Variants in RSF1 observed in about 807,000 individuals in gnomAD.
The protein encoded by RSF1 is HBV pX-associated protein 8.
Under a neutral mutation model 145.2 loss-of-function variants are expected in RSF1, and 13 were observed. The ratio of observed to expected loss-of-function variants is 0.09; its 90% CI spans 0.06 to 0.14. The LOEUF is 0.14. Ranked by LOEUF, RSF1 falls within the 10% of genes least tolerant of loss-of-function variation. The pLI, the probability that RSF1 is intolerant of heterozygous loss-of-function variation, is 1.00. For missense variants in RSF1, 1,517 were observed against 1,718.2 expected (o/e 0.88, Z 2.07); for synonymous variants, 577 against 592.6 (o/e 0.97, Z 0.38).
At chr11:77,823,862 A>G (rs996707673), upstream of RSF1, among the ~76,000 whole-genome samples, 1 of 152,022 alleles carries the variant, frequency 6.6e-6, no homozygotes, top group African/African-American at 2.4e-5. Flanking sequence ...CTTTGCTTCT[A>G]GCTTTTGCAG....
At chr11:77,748,868 T>C (rs1347158626) in intron 2 of RSF1, among the ~76,000 whole-genome samples, 1 of 152,210 alleles carries the variant, frequency 6.6e-6, no homozygotes, top group Non-Finnish European at 1.5e-5. Flanking sequence ...TATACAAATG[T>C]TCCTCGCAGT....
intron 1 of RSF1, among the ~76,000 whole-genome samples, chr11:77,802,958 T>A (rs991962840): frequency 6.6e-6 from 1 of 152,046 alleles, no homozygotes; most frequent in African/African-American, 2.4e-5. Context: ...TGAGGCCTCA[T>A]CTCTAAAAAA....
chr11:77,790,611 G>C (rs538241004), intron 1 of RSF1, among the ~76,000 whole-genome samples: 22 of 152,322 alleles, frequency 1.4e-4, no homozygotes, highest in African/African-American at 5.1e-4. Context: ...CTATGAGTCT[G>C]TAAAATCAAA....
At chr11:77,686,755 GT>G (rs1196698965) in intron 9 of RSF1, among the ~76,000 whole-genome samples, 3 of 152,158 alleles carry the variant, frequency 2.0e-5, no homozygotes, top group Non-Finnish European at 2.9e-5. Context: ...TCTGTAGACA[GT>G]TGCTGGCTAG....
chr11:77,691,057 CA>C (rs1960138862), intron 9 of RSF1, 101 bp downstream of exon 9: 1 of 1,148,956 alleles, frequency 8.7e-7, no homozygotes, highest in Admixed American at 1.9e-5. Flanking sequence ...CCACAGGCCA[CA>C]GTATGCCAAT....
Position 77,661,591 on chromosome 11 carries a change from C to A in RSF1, c.*5326G>T, listed in dbSNP as rs1959234353. 2 of 151,920 alleles carry A rather than the reference C, an allele frequency of 1.3e-5. No individual in the cohort carries two copies. Among genetic ancestry groups the A allele is most frequent in the South Asian group, 4.2e-4 (2 of 4,812 alleles). 9.4% of individuals were successfully genotyped at this position (151,920 alleles called of 1,614,324 possible). ...GCAGGAGAATGAAAAAGACATGGCA[C>A]AAATTTTTAAACAATTTTAGGTTTA... On this transcript the variant is annotated 3_prime_UTR_variant, in exon 16 of 16. Coordinates refer to ENST00000308488, the MANE Select transcript of RSF1 (RefSeq NM_016578.4).
rs1411620388 is a variant in RSF1 at position 77,663,599 on chromosome 11, G to GA, written c.*3317dup. The GA allele has an allele frequency of 6.6e-6, 1 of 151,986 alleles. No individual in the cohort carries two copies. The highest frequency in any genetic ancestry group is 1.5e-5 in the Non-Finnish European group (1 of 67,984). 9.4% of individuals were successfully genotyped at this position (151,986 alleles called of 1,614,324 possible). A position where few individuals can be genotyped will look rare whatever the true frequency, so the allele number is the denominator to read the frequency against. On this transcript the variant is annotated 3_prime_UTR_variant, in exon 16 of 16. Coordinates refer to ENST00000308488, the MANE Select transcript of RSF1 (RefSeq NM_016578.4). The stretch of plus-strand genomic sequence containing the variant: ...TCTGAATCTGTAACCTTGACCAATT[G>GA]AAAAAAGGATGTCAAGGAAATATAA...
chr11:77,800,952 C>T (rs1948619868), intron 1 of RSF1, among the ~76,000 whole-genome samples: 1 of 152,092 alleles, frequency 6.6e-6, no homozygotes, highest in Non-Finnish European at 1.5e-5. Flanking sequence ...TGGCAGTGAG[C>T]CATAATCGCA....
chr11:77,769,667 T>C (rs1948262278), intron 1 of RSF1, among the ~76,000 whole-genome samples: 1 of 152,240 alleles, frequency 6.6e-6, no homozygotes, highest in South Asian at 2.1e-4. Context: ...TTTTATATTT[T>C]GACATTTTTC....
chr11:77,778,835 A>C (rs1248618056), intron 1 of RSF1, among the ~76,000 whole-genome samples: 2 of 152,144 alleles, frequency 1.3e-5, no homozygotes, highest in African/African-American at 2.4e-5. Flanking sequence ...ATTCCTTTGC[A>C]AGCCCTCTGT....
chr11:77,675,332 T>C, intron 13 of RSF1, 76 bp from the exon 14 acceptor site: 2 of 1,143,992 alleles, frequency 1.7e-6, no homozygotes, highest in Non-Finnish European at 2.5e-6. Flanking sequence ...TGAGTTCAAA[T>C]TCTGGTGAGC....
Position 77,740,891 on chromosome 11 carries a change from T to C in RSF1, c.418A>G (p.Ile140Val), listed in dbSNP as rs1397014974. 1.9e-6 allele frequency: 3 copies of C among 1,614,142 alleles called. No homozygotes were observed. The highest frequency in any genetic ancestry group is 2.2e-5 in the South Asian group (2 of 91,078). ...GTATCGGCATCCTCCTCATTAATAA[T>C]ATTCTTGAATTTGAGATTGTCATCA... ...QFDDNLKFKN[I>V]INEEDADTMR... The change falls in exon 4 of 16, where the codon ATT becomes GTT. Residue 140 changes from isoleucine (I) to valine (V), a missense_variant. Physicochemically the swap from Ile to Val is conservative, Grantham distance 29. Around this residue, in one of 12 missense-constraint regions of RSF1, gnomAD observed 94 missense variants for 143.6 expected, o/e 0.65. Transcript: ENST00000308488.
the RSF1 span, among the ~76,000 whole-genome samples, chr11:77,856,838 T>A: frequency 2.0e-5 from 3 of 152,316 alleles, no homozygotes; most frequent in Non-Finnish European, 4.4e-5. Flanking sequence ...ACATGAGATT[T>A]GGGCAGGGAC....
At chr11:77,678,218 TTTTA>T (rs1959764369) in intron 11 of RSF1, 65 bp from the exon 12 acceptor site, 24 of 913,764 alleles carry the variant, frequency 2.6e-5, no homozygotes, top group Admixed American at 6.0e-5. Flanking sequence ...TTTTAATTAT[TTTTA>T]TTTATTTATT....
At chr11:77,837,511 G>C in the RSF1 span, among the ~76,000 whole-genome samples, 1 of 152,066 alleles carries the variant, frequency 6.6e-6, no homozygotes, top group African/African-American at 2.4e-5. Flanking sequence ...CTGGAGTGCA[G>C]TGGTGCGATC....
upstream of RSF1, among the ~76,000 whole-genome samples, chr11:77,825,275 C>G (rs1003021848): frequency 1.3e-4 from 20 of 151,946 alleles, no homozygotes; most frequent in Admixed American, 1.2e-3. Flanking sequence ...AGCCACCAGG[C>G]CTGGCTGCTT....
chr11:77,706,598 T>A (rs1375271527), intron 5 of RSF1, among the ~76,000 whole-genome samples: 1 of 152,202 alleles, frequency 6.6e-6, no homozygotes, highest in African/African-American at 2.4e-5. Context: ...TTTGTTTTAC[T>A]CTGTTAACTC....
the RSF1 span, among the ~76,000 whole-genome samples, chr11:77,849,339 A>G: frequency 6.6e-6 from 1 of 152,100 alleles, no homozygotes; most frequent in South Asian, 2.1e-4. Flanking sequence ...CTCTTGCCTC[A>G]GCCTCCTGAG....
chr11:77,732,955 T>C (rs1446587059), intron 4 of RSF1, among the ~76,000 whole-genome samples: 1 of 152,228 alleles, frequency 6.6e-6, no homozygotes, highest in African/African-American at 2.4e-5. Flanking sequence ...CAAATCCATA[T>C]AGTTTCATAG....
Sources: gnomAD v4.1 joint callset for allele counts (sites outside exome capture counted in the v4.1 genomes callset) on GRCh38, gnomAD v4.1.1 for gene constraint, gnomAD v4.1.1 regional missense constraint, MANE v1.5 for transcripts, NCBI Gene and HGNC (gene_info 2026-07-23, HGNC 2026-07-21) for gene names.